CBR4: variants seen among roughly 807,000 people sequenced by gnomAD.
The protein encoded by CBR4 is 3-oxoacyl-[acyl-carrier-protein] reductase.
CBR4 carries 22 observed loss-of-function variants against 21.0 expected under a neutral mutation model. That is an observed-to-expected ratio of 1.05 (90% CI 0.75 to 1.50). CBR4 has a LOEUF of 1.50. Among genes scored for constraint, CBR4 ranks in the 40% most tolerant of loss-of-function variants. The pLI is 0.00. For missense variants in CBR4, 302 were observed against 286.3 expected (o/e 1.05, Z -0.40); for synonymous variants, 100 against 104.4 (o/e 0.96, Z 0.26).
chr4:168,910,325 T>C (rs2151376499), intron 2 of CBR4, among the ~76,000 whole-genome samples: 1 of 151,090 alleles, frequency 6.6e-6, no homozygotes, highest in African/African-American at 2.4e-5. Flanking sequence ...CCACATCAAA[T>C]GCAGCCATCA....
chr4:168,950,317 T>C (rs2126700303), intron 2 of CBR4, among the ~76,000 whole-genome samples: 1 of 152,324 alleles, frequency 6.6e-6, no homozygotes, highest in African/African-American at 2.4e-5. Flanking sequence ...ATTACTGTCA[T>C]TCAGTTCAAA....
At position 168,923,006 on chromosome 4, in the gene CBR4, T is replaced by G. The variant is rs924037746; in HGVS notation, n.170-28241A>C. ...CTCCATATATAAAATGGGAATATAA[T>G]GCCTCACAGTGCTTTCCTAAGGATT... is the stretch of plus-strand genomic sequence containing the variant. On this transcript the variant is annotated intron_variant and non_coding_transcript_variant, in intron 2 of 3. Coordinates refer to the CBR4 transcript ENST00000509108. Among the ~76,000 whole-genome samples, 15 of 152,348 alleles carry G rather than the reference T, an allele frequency of 9.8e-5. No homozygotes were observed. The East Asian group carries it at 1.5e-3, about 16-fold the overall frequency.
At position 169,007,675 on chromosome 4, in the gene CBR4, C is replaced by A. The variant is rs1335478663; in HGVS notation, c.224G>T (p.Gly75Val). The A allele has an allele frequency of 1.3e-6, 2 of 1,593,072 alleles. No individual in the cohort carries two copies. Among genetic ancestry groups the A allele is most frequent in the Non-Finnish European group, 1.7e-6 (2 of 1,171,312 alleles). ...NTFEELEKHL[G>V]RVNFLVNAAG... Reference sequence around the variant, plus strand: ...TGCATTTACCAAGAAATTTACTCGACCTAAATGTTTCTCCAGCTCTTCAAA... The same window carrying A: ...TGCATTTACCAAGAAATTTACTCGAACTAAATGTTTCTCCAGCTCTTCAAA... The change falls in exon 2 of 5, where the codon GGT (glycine) becomes GTT (valine). Residue 75 changes from glycine (G) to valine (V), a missense_variant. Physicochemically the swap from Gly to Val is moderately radical, Grantham distance 109. Coordinates refer to ENST00000306193, the MANE Select transcript of CBR4 (RefSeq NM_032783.5).
rs543270439 is a variant in CBR4, at chr4:168,991,062, GCAAAA to G, written c.536-739_536-735del. The stretch of plus-strand genomic sequence containing the variant: ...AGAGTGAAACTCCATCTCAAAAAAA[GCAAAA>G]CAAAACAAAATAGTTTTGTTAGTAA... On this transcript the variant is annotated intron_variant, in intron 4 of 4. Coordinates refer to ENST00000306193, the MANE Select transcript of CBR4 (RefSeq NM_032783.5). Among the ~76,000 whole-genome samples the G allele has an allele frequency of 2.7e-3, 403 of 152,060 alleles. 2 individuals are homozygous for G. The highest frequency in any genetic ancestry group is 9.1e-3 in the African/African-American group (377 of 41,490).
At chr4:168,898,334 T>C (rs1755711530) in intron 2 of CBR4, 3 of 664,702 alleles carry the variant, frequency 4.5e-6, no homozygotes, top group Middle Eastern at 3.9e-4. Flanking sequence ...CTTCCAGATG[T>C]TTTTTGTTTC....
chr4:168,930,935 ACTCTC>A (rs1168004106), intron 2 of CBR4, among the ~76,000 whole-genome samples: 1 of 151,906 alleles, frequency 6.6e-6, no homozygotes, highest in African/African-American at 2.4e-5. Flanking sequence ...TGAGATATGT[ACTCTC>A]CACCCCTTAG....
At chr4:168,928,357 T>C (rs1384512793) in intron 2 of CBR4, 11 of 182,948 alleles carry the variant, frequency 6.0e-5, no homozygotes, top group Non-Finnish European at 3.5e-5. Flanking sequence ...TCAATCATAC[T>C]ACTTTGGATT....
chr4:168,974,138 ATTTC>A lies in CBR4; in HGVS notation n.169+27929_169+27932del, dbSNP rs1170246206. On this transcript the variant is annotated intron_variant and non_coding_transcript_variant, in intron 2 of 3. Coordinates refer to the CBR4 transcript ENST00000509108. ...CTTGGTAGTGGCGAATTCGCTCAGC[ATTTC>A]TTTGTCTGAAAAAGACTTTATCTCT... Among the ~76,000 whole-genome samples the A allele has an allele frequency of 2.6e-5, 4 of 152,274 alleles. No individual in the cohort carries two copies. In the East Asian group the frequency reaches 7.7e-4, roughly 29 times the overall value.
intron 2 of CBR4, among the ~76,000 whole-genome samples, chr4:168,895,829 C>G (rs570851815): frequency 6.6e-6 from 1 of 152,204 alleles, no homozygotes; most frequent in African/African-American, 2.4e-5. Context: ...TCTTTATCTT[C>G]TTTCACATAT....
intron 2 of CBR4, chr4:168,926,111 G>T: frequency 1.1e-6 from 1 of 952,266 alleles, no homozygotes; most frequent in Non-Finnish European, 1.5e-6. Flanking sequence ...ATGTGTTCAG[G>T]TGCCTTGCAT....
At chr4:168,927,947 TACTC>T (rs1226849480) in intron 2 of CBR4, 7 of 199,372 alleles carry the variant, frequency 3.5e-5, no homozygotes, top group African/African-American at 1.4e-4. Flanking sequence ...TTAGCTCAGT[TACTC>T]AATTCATACG....
At chr4:168,953,453 T>G (rs1763601761) in intron 2 of CBR4, among the ~76,000 whole-genome samples, 1 of 151,766 alleles carries the variant, frequency 6.6e-6, no homozygotes, top group African/African-American at 2.4e-5. Context: ...GGAGACAGGG[T>G]CTCATTCCGT....
rs147656793 is a variant in CBR4 at position 168,994,945 on chromosome 4, G to A, written c.536-4617C>T. Among the ~76,000 whole-genome samples the A allele has an allele frequency of 4.2e-3, 642 of 152,066 alleles. 6 individuals carry two copies. The highest frequency in any genetic ancestry group is 0.015 in the African/African-American group (615 of 41,472). On this transcript the variant is annotated intron_variant, in intron 4 of 4. Transcript: ENST00000306193. ...AATTTTGTATTTTTAGTGGAGACAG[G>A]GTTTCACCAGGTTGGTTGGGCTGGT... is the stretch of plus-strand genomic sequence containing the variant.
intron 3 of CBR4, 90 bp from the exon 4 acceptor site, chr4:169,002,295 A>C (rs1248312174): frequency 8.0e-7 from 1 of 1,250,676 alleles, no homozygotes. Flanking sequence ...ATAGTAAACA[A>C]AAAGGTAAAA....
rs569394160 is a variant in CBR4 at position 168,894,865 on chromosome 4, A to T, written n.170-100T>A. On this transcript the variant is annotated intron_variant and non_coding_transcript_variant, in intron 2 of 3. Transcript: ENST00000509108. Reference sequence around the variant, plus strand: ...GAGCACATACTATGTTAAGTGACTGACAGAATTCTTTCCATCAGTGATACC... The same window carrying T: ...GAGCACATACTATGTTAAGTGACTGTCAGAATTCTTTCCATCAGTGATACC... The T allele has an allele frequency of 3.9e-5, 34 of 867,520 alleles. No individual in the cohort carries two copies. In the South Asian group the frequency reaches 5.4e-4, roughly 14 times the overall value. The allele number at this position is 867,520 out of a possible 1,614,324, so 53.7% of individuals were successfully genotyped here.
chr4:168,967,959 A>G (rs1764092238), intron 2 of CBR4, among the ~76,000 whole-genome samples: 1 of 152,134 alleles, frequency 6.6e-6, no homozygotes, highest in Non-Finnish European at 1.5e-5. Context: ...CTCATCTCCA[A>G]AGACGGCCCT....
intron 2 of CBR4, among the ~76,000 whole-genome samples, chr4:168,951,005 A>T (rs1428675400): frequency 6.6e-6 from 1 of 152,152 alleles, no homozygotes; most frequent in Admixed American, 6.5e-5. Flanking sequence ...AGTCTCTTGA[A>T]GTCAGCAGAT....
intron 4 of CBR4, among the ~76,000 whole-genome samples, chr4:168,990,998 G>T (rs1308542158): frequency 1.3e-5 from 2 of 152,028 alleles, no homozygotes; most frequent in Non-Finnish European, 2.9e-5. Flanking sequence ...AGGTTGGAGT[G>T]AGCCGAGATT....
chr4:169,010,223 GC>G lies in CBR4; in HGVS notation c.-135del. On this transcript the variant is annotated 5_prime_UTR_variant, in exon 1 of 5. Coordinates refer to ENST00000306193, the MANE Select transcript of CBR4 (RefSeq NM_032783.5). ...AAGGCAAACCGCAAAAAAAAATAAC[GC>G]CGCTCGACACCTCCTGCAGCCGCAC... The G allele has an allele frequency of 5.1e-6, 4 of 785,306 alleles. No individual in the cohort carries two copies. Among genetic ancestry groups the G allele is most frequent in the Non-Finnish European group, 7.7e-6 (4 of 517,114 alleles). The allele number at this position is 785,306 out of a possible 1,614,324, so 48.6% of individuals were successfully genotyped here. A position where few individuals can be genotyped will look rare whatever the true frequency, so the allele number is the denominator to read the frequency against.
Sources: gnomAD v4.1 joint callset for allele counts (sites outside exome capture counted in the v4.1 genomes callset) on GRCh38, gnomAD v4.1.1 for gene constraint, MANE v1.5 for transcripts, NCBI Gene and HGNC (gene_info 2026-07-23, HGNC 2026-07-21) for gene names.